Variants in CADPS observed in about 807,000 individuals in gnomAD.
The protein encoded by CADPS is calcium-dependent secretion activator 1.
In CADPS, 57 loss-of-function variants were observed where a neutral mutation model predicts 167.3. The ratio of observed to expected loss-of-function variants is 0.34; its 90% CI spans 0.28 to 0.42. The LOEUF (loss-of-function observed/expected upper bound fraction) is 0.42. Ranked by LOEUF, CADPS falls within the 20% of genes least tolerant of loss-of-function variation. The probability of loss-of-function intolerance (pLI) is 1.00; values close to 1 mark genes in which losing one functional copy is unlikely to be tolerated. For missense variants in CADPS, 1,414 were observed against 1,738.1 expected, an observed-to-expected ratio of 0.81 and a Z score of 3.32; for synonymous variants, 676 against 635.3, an observed-to-expected ratio of 1.06 and a Z score of -0.96.
At chr3:62,664,790 T>C (rs2074099211) in intron 3 of CADPS, among the ~76,000 whole-genome samples, 1 of 152,170 alleles carries the variant, frequency 6.6e-6, no homozygotes, top group Non-Finnish European at 1.5e-5. Flanking sequence ...ACCAGCTCCA[T>C]TACTAAATTT....
rs372305118 is a variant in CADPS, at chr3:62,789,340, A to G, written c.442-23356T>C. Reference sequence around the variant, plus strand: ...AGTCACACAGCCAGAATGGAGTAAGACTCCAAGTTCCAACCTAAAGCCAAT... The same window carrying G: ...AGTCACACAGCCAGAATGGAGTAAGGCTCCAAGTTCCAACCTAAAGCCAAT... On this transcript the variant is annotated intron_variant, in intron 1 of 29. Transcript: ENST00000383710. 3.7e-4 allele frequency among the ~76,000 whole-genome samples: 57 copies of G among 152,222 alleles called. 1 individual carries two copies. The highest frequency in any genetic ancestry group is 1.3e-3 in the African/African-American group (56 of 41,526).
chr3:62,440,434 T>TC (rs1265274133), intron 27 of CADPS: 1 of 151,548 alleles, frequency 6.6e-6, no homozygotes. Context: ...TCAGCTAGAA[T>TC]AATGTATGTA....
At chr3:62,667,299 C>A (rs996741963) in intron 3 of CADPS, among the ~76,000 whole-genome samples, 15 of 151,938 alleles carry the variant, frequency 9.9e-5, no homozygotes, top group African/African-American at 2.7e-4. Flanking sequence ...CTCCTCCCTG[C>A]CTTTAGGATA....
intron 6 of CADPS, among the ~76,000 whole-genome samples, chr3:62,630,993 T>C (rs2065162297): frequency 6.6e-6 from 1 of 152,094 alleles, no homozygotes; most frequent in African/African-American, 2.4e-5. Flanking sequence ...ATTTTAAATA[T>C]GGGTCAAATA....
intron 1 of CADPS, among the ~76,000 whole-genome samples, chr3:62,859,559 A>C (rs2080371807): frequency 6.6e-6 from 1 of 152,212 alleles, no homozygotes. Flanking sequence ...ACAAGTGCAC[A>C]TCTTAACCAG....
In CADPS at chr3:62,764,253, G is replaced by A. The variant is rs533060458; in HGVS notation, c.555+1618C>T. Reference sequence around the variant, plus strand: ...CAGGCAGTTTCTAAACAAAACCTTAGTTAAATATATTCAAGTTATTCACTA... The same window carrying A: ...CAGGCAGTTTCTAAACAAAACCTTAATTAAATATATTCAAGTTATTCACTA... On this transcript the variant is annotated intron_variant, in intron 2 of 29. Transcript: ENST00000383710. 2.0e-5 allele frequency among the ~76,000 whole-genome samples: 3 copies of A among 152,148 alleles called. No individual in the cohort carries two copies. The East Asian group carries it at 5.8e-4, about 29-fold the overall frequency.
chr3:62,544,781 C>T lies in CADPS; in HGVS notation c.1966+5122G>A. On this transcript the variant is annotated intron_variant, in intron 11 of 29. Transcript: ENST00000383710. The surrounding 1 kb of genome is among the most constrained non-coding windows in gnomAD (Gnocchi z 4.4). ...GAGGAAGATTTAAGGGGGAGGGAAGCACATTGCAGGTGTCAGATAATCTAA... is the reference window on the plus strand; with the variant it reads ...GAGGAAGATTTAAGGGGGAGGGAAGTACATTGCAGGTGTCAGATAATCTAA... 1.3e-6 allele frequency: 1 copy of T among 790,662 alleles called. No homozygotes were observed. Among genetic ancestry groups the T allele is most frequent in the Non-Finnish European group, 1.6e-6 (1 of 611,222 alleles). The allele number at this position is 790,662 out of a possible 1,614,324, so 49.0% of individuals were successfully genotyped here. A position where few individuals can be genotyped will look rare whatever the true frequency, so the allele number is the denominator to read the frequency against.
intron 27 of CADPS, among the ~76,000 whole-genome samples, chr3:62,442,182 G>C (rs1202146644): frequency 6.7e-6 from 1 of 150,324 alleles, no homozygotes; most frequent in Non-Finnish European, 1.5e-5. Flanking sequence ...TGACTTAATA[G>C]GTAATAGTTA....
chr3:62,834,172 GACCCCAT>G (rs2075558771), intron 1 of CADPS, among the ~76,000 whole-genome samples: 1 of 152,116 alleles, frequency 6.6e-6, no homozygotes, highest in African/African-American at 2.4e-5. Context: ...GTGCTGTTCA[GACCCCAT>G]ACAACATGAA....
intron 1 of CADPS, among the ~76,000 whole-genome samples, chr3:62,833,374 T>C: frequency 6.6e-6 from 1 of 151,742 alleles, no homozygotes; most frequent in East Asian, 2.0e-4. Context: ...AGGCTGGTCT[T>C]GAATTCCTGG....
chr3:62,860,463 T>G (rs926165226), intron 1 of CADPS, among the ~76,000 whole-genome samples: 15 of 152,302 alleles, frequency 9.8e-5, no homozygotes, highest in South Asian at 4.1e-4. Flanking sequence ...TCTCCAAATC[T>G]GCATATGCTC....
At chr3:62,676,222 C>T (rs1427994500) in intron 3 of CADPS, among the ~76,000 whole-genome samples, 1 of 152,054 alleles carries the variant, frequency 6.6e-6, no homozygotes, top group Non-Finnish European at 1.5e-5. Flanking sequence ...TGGAAAAATA[C>T]ATTTTTAAGA....
rs1199691396 is a variant in CADPS at position 62,465,553 on chromosome 3, C to T, written c.3553-103G>A. The T allele has an allele frequency of 2.1e-5, 15 of 701,132 alleles. No homozygotes were observed. Among genetic ancestry groups the T allele is most frequent in the Middle Eastern group, 4.0e-4 (1 of 2,480 alleles). The allele number at this position is 701,132 out of a possible 1,614,324, so 43.4% of individuals were successfully genotyped here. The stretch of plus-strand genomic sequence containing the variant: ...ACATAAAGGCTGGGATCGAGCCCTC[C>T]GTTCATTTCTGCAGTCTATTATTTG... On this transcript the variant is annotated intron_variant, in intron 25 of 29. Transcript: ENST00000383710. This position sits in a 1 kb window ranked among gnomAD's most constrained non-coding sequence, Gnocchi z 4.1.
At chr3:62,715,751 A>ATTTTTT (rs375673684) in intron 3 of CADPS, among the ~76,000 whole-genome samples, 11 of 86,310 alleles carry the variant, frequency 1.3e-4, no homozygotes, top group South Asian at 4.0e-4. Context: ...ATGATTATAA[A>ATTTTTT]TCTTTTTTTT....
chr3:62,714,845 G>C (rs2084111442), intron 3 of CADPS, among the ~76,000 whole-genome samples: 1 of 152,070 alleles, frequency 6.6e-6, no homozygotes, highest in Non-Finnish European at 1.5e-5. Flanking sequence ...TCTACCTATA[G>C]ACTAAAAGAG....
chr3:62,428,961 C>T (rs960212504), intron 28 of CADPS, among the ~76,000 whole-genome samples: 2 of 152,126 alleles, frequency 1.3e-5, no homozygotes, highest in Non-Finnish European at 2.9e-5. Context: ...GTCAGTGGTG[C>T]CAAAGACGAG....
chr3:62,595,855 C>T (rs368381475), intron 6 of CADPS, among the ~76,000 whole-genome samples: 3 of 152,066 alleles, frequency 2.0e-5, no homozygotes, highest in South Asian at 2.1e-4. Context: ...CAGCTTCCAG[C>T]GAATATAAAG....
chr3:62,475,716 T>C (rs1241537787), intron 23 of CADPS, among the ~76,000 whole-genome samples: 1 of 152,066 alleles, frequency 6.6e-6, no homozygotes, highest in Non-Finnish European at 1.5e-5. Context: ...CAAGTAGCTT[T>C]CTAATCATGA....
chr3:62,767,839 T>G (rs1347771183), intron 1 of CADPS, among the ~76,000 whole-genome samples: 1 of 152,224 alleles, frequency 6.6e-6, no homozygotes, highest in East Asian at 1.9e-4. Flanking sequence ...TATACTTTAC[T>G]TAACCCAATA....
Sources: gnomAD v4.1 joint callset for allele counts (sites outside exome capture counted in the v4.1 genomes callset) on GRCh38, gnomAD v4.1.1 for gene constraint, Gnocchi (gnomAD v3.1) non-coding constraint, MANE v1.5 for transcripts, NCBI Gene and HGNC (gene_info 2026-07-23, HGNC 2026-07-21) for gene names.